TMEM268: variants seen among roughly 807,000 people sequenced by gnomAD.
The protein encoded by TMEM268 is transmembrane protein 268, also known as transmembrane protein C9orf91.
In TMEM268, 24 loss-of-function variants were observed where a neutral mutation model predicts 39.1. The ratio of observed to expected loss-of-function variants is 0.61; its 90% CI spans 0.44 to 0.86. The LOEUF (loss-of-function observed/expected upper bound fraction) is 0.86, where lower values mean the gene tolerates loss of function less well. Ranked by LOEUF, TMEM268 falls within the 40% of genes least tolerant of loss-of-function variation. The pLI, the probability that TMEM268 is intolerant of heterozygous loss-of-function variation, is 0.00. For synonymous variants in TMEM268, 176 were observed against 173.5 expected, an observed-to-expected ratio of 1.01 and a Z score of -0.12; for missense variants, 409 against 428.6, an observed-to-expected ratio of 0.95 and a Z score of 0.40.
At chr9:114,634,867 A>G (rs1846561086) in intron 6 of TMEM268, among the ~76,000 whole-genome samples, 2 of 152,122 alleles carry the variant, frequency 1.3e-5, no homozygotes, top group South Asian at 4.1e-4. Context: ...GATCTTGCCT[A>G]TCATTGGAGT....
At chr9:114,636,942 G>C in intron 6 of TMEM268, 48 bp from the exon 7 acceptor site, 1 of 1,271,268 alleles carries the variant, frequency 7.9e-7, no homozygotes, top group Non-Finnish European at 1.2e-6. Context: ...AGAGTTCAGG[G>C]TTGGGCTGCC....
chr9:114,638,513 C>A, intron 7 of TMEM268, 31 bp from the exon 8 acceptor site: 1 of 1,499,626 alleles, frequency 6.7e-7, no homozygotes, highest in South Asian at 1.4e-5. Context: ...GATTTAGGCA[C>A]TCCTGAGCCC....
At chr9:114,619,751 A>G (rs899369013) in intron 2 of TMEM268, among the ~76,000 whole-genome samples, 3 of 152,074 alleles carry the variant, frequency 2.0e-5, no homozygotes, top group African/African-American at 7.2e-5. Flanking sequence ...TTCCATGCTG[A>G]TGGTACCAAG....
At chr9:114,633,630 G>A in intron 5 of TMEM268, 138 bp from the exon 6 acceptor site, 1 of 463,640 alleles carries the variant, frequency 2.2e-6, no homozygotes, top group Non-Finnish European at 3.9e-6. Flanking sequence ...ATTTAATAGG[G>A]GAGGAAATGG....
At chr9:114,622,830 C>G (rs1845997452) in intron 2 of TMEM268, among the ~76,000 whole-genome samples, 1 of 152,090 alleles carries the variant, frequency 6.6e-6, no homozygotes. Context: ...GTGGCTCATG[C>G]CTGTAATCCC....
intron 2 of TMEM268, 142 bp downstream of exon 2, chr9:114,617,443 T>C (rs1022532127): frequency 1.3e-5 from 9 of 707,626 alleles, no homozygotes; most frequent in African/African-American, 3.6e-5. Flanking sequence ...TTCTGTCTCT[T>C]GGCCTTAGAC....
chr9:114,633,154 C>A (rs1389638785), intron 5 of TMEM268, among the ~76,000 whole-genome samples: 1 of 148,374 alleles, frequency 6.7e-6, no homozygotes, highest in African/African-American at 2.5e-5. Context: ...TGCTAACATG[C>A]CTAGTTAATT....
chr9:114,637,473 T>C lies in TMEM268; in HGVS notation c.666+403T>C, dbSNP rs1009240357. On this transcript the variant is annotated intron_variant, in intron 7 of 8. Transcript: ENST00000288502. ...ACACCTGGCTAATTTGTTGTATTTT[T>C]AGTAGAGACGGGGTTTCACCATGTT... Among the ~76,000 whole-genome samples, 3 of 151,972 alleles carry C rather than the reference T, an allele frequency of 2.0e-5. No homozygotes were observed. The East Asian group carries it at 5.8e-4, about 29-fold the overall frequency.
the TMEM268 span, among the ~76,000 whole-genome samples, chr9:114,605,423 C>T: frequency 6.6e-6 from 1 of 151,874 alleles, no homozygotes; most frequent in Non-Finnish European, 1.5e-5. Context: ...AAGATTTGGC[C>T]AGTGGTTCAG....
chr9:114,610,645 G>C (rs1845455349), upstream of TMEM268, among the ~76,000 whole-genome samples: 1 of 152,170 alleles, frequency 6.6e-6, no homozygotes, highest in African/African-American at 2.4e-5. Flanking sequence ...TTGAAATTAC[G>C]AAGGATGGCG....
At chr9:114,630,859 T>TG (rs2133670139) in intron 5 of TMEM268, among the ~76,000 whole-genome samples, 1 of 152,334 alleles carries the variant, frequency 6.6e-6, no homozygotes, top group South Asian at 2.1e-4. Flanking sequence ...TCCTCCTCCC[T>TG]GGATCCCTTG....
At chr9:114,611,776 C>G (rs1845506355) in intron 1 of TMEM268, among the ~76,000 whole-genome samples, 1 of 152,188 alleles carries the variant, frequency 6.6e-6, no homozygotes, top group Admixed American at 6.5e-5. Flanking sequence ...GCGGCTCTGA[C>G]AAGCCTCCTG....
Position 114,611,445 on chromosome 9 carries a change from G to C in TMEM268, c.-198G>C, listed in dbSNP as rs1845478209. Reference sequence around the variant, plus strand: ...GGGCCCGTGAAGGCGGCGCAGCGCGGCGCGGGAGGCGTGCTGGGCGCGGGG... The same window carrying C: ...GGGCCCGTGAAGGCGGCGCAGCGCGCCGCGGGAGGCGTGCTGGGCGCGGGG... On this transcript the variant is annotated 5_prime_UTR_variant, in exon 1 of 9. Coordinates refer to ENST00000288502, the MANE Select transcript of TMEM268 (RefSeq NM_153045.4). The C allele has an allele frequency of 6.6e-6, 1 of 150,620 alleles. No homozygotes were observed. Among genetic ancestry groups the C allele is most frequent in the Non-Finnish European group, 1.5e-5 (1 of 67,350 alleles). 9.3% of individuals were successfully genotyped at this position (150,620 alleles called of 1,614,324 possible).
intron 2 of TMEM268, among the ~76,000 whole-genome samples, chr9:114,617,927 A>G (rs1845799004): frequency 6.6e-6 from 1 of 151,568 alleles, no homozygotes; most frequent in Non-Finnish European, 1.5e-5. Flanking sequence ...CCCAGGTTGG[A>G]ATGCAGTGGC....
In TMEM268 at chr9:114,644,313, T is replaced by C. The variant is rs1258131842; in HGVS notation, c.*1000T>C. The C allele has an allele frequency of 2.6e-5, 4 of 152,394 alleles. No individual in the cohort carries two copies. Among genetic ancestry groups the C allele is most frequent in the Non-Finnish European group, 4.4e-5 (3 of 68,054 alleles). 9.4% of individuals were successfully genotyped at this position (152,394 alleles called of 1,614,324 possible). On this transcript the variant is annotated 3_prime_UTR_variant, in exon 9 of 9. Transcript: ENST00000288502. ...AAAACCCCTTTATGAGTTCACGCTC[T>C]TTCCTGGACTGACATACCTATTCCT...
chr9:114,616,658 G>A (rs1456230662), intron 1 of TMEM268, among the ~76,000 whole-genome samples: 1 of 151,684 alleles, frequency 6.6e-6, no homozygotes, highest in Admixed American at 6.6e-5. Flanking sequence ...GAGCCACCGT[G>A]CCTGGCTGAT....
chr9:114,621,345 C>CA (rs34338222), intron 2 of TMEM268, among the ~76,000 whole-genome samples: 95,812 of 135,758 alleles, frequency 0.71, 33,020 homozygotes, highest in Non-Finnish European at 0.73. Context: ...GATGCTGTCT[C>CA]AAAAAAAAAA....
At chr9:114,604,793 T>C in the TMEM268 span, among the ~76,000 whole-genome samples, 4 of 152,108 alleles carry the variant, frequency 2.6e-5, no homozygotes, top group African/African-American at 9.7e-5. Context: ...CATTATGTTC[T>C]ATGCACATAT....
At chr9:114,631,908 C>G (rs1369144327) in intron 5 of TMEM268, among the ~76,000 whole-genome samples, 2 of 151,802 alleles carry the variant, frequency 1.3e-5, no homozygotes, top group Non-Finnish European at 2.9e-5. Context: ...TGAGACCAGC[C>G]TGGGCAACAT....
Sources: allele counts gnomAD v4.1 joint callset (sites outside exome capture counted in the v4.1 genomes callset), GRCh38; gene constraint gnomAD v4.1.1; transcripts MANE v1.5; gene names NCBI Gene and HGNC (gene_info 2026-07-23, HGNC 2026-07-21).